Variants in LYPLAL1 observed in about 807,000 individuals in gnomAD.
LYPLAL1 encodes the protein lysophospholipase like 1.
A neutral mutation model predicts 19.7 loss-of-function variants in LYPLAL1; 23 were observed. That is an observed-to-expected ratio of 1.17 (90% CI 0.84 to 1.65). The LOEUF (loss-of-function observed/expected upper bound fraction) is 1.65. Among genes scored for constraint, LYPLAL1 ranks in the 40% most tolerant of loss-of-function variants. The pLI is 0.00. For synonymous variants in LYPLAL1, 119 were observed against 96.3 expected, an observed-to-expected ratio of 1.24 and a Z score of -1.38; for missense variants, 355 against 279.4, an observed-to-expected ratio of 1.27 and a Z score of -1.93.
the LYPLAL1 span, among the ~76,000 whole-genome samples, chr1:219,359,035 G>T: frequency 5.3e-5 from 8 of 151,982 alleles, no homozygotes; most frequent in East Asian, 1.4e-3. Flanking sequence ...CCAAAGCCCA[G>T]ACAACACTAC....
chr1:219,366,189 C>T, the LYPLAL1 span, among the ~76,000 whole-genome samples: 1 of 151,916 alleles, frequency 6.6e-6, no homozygotes, highest in Non-Finnish European at 1.5e-5. Context: ...ACTAACCTGC[C>T]CCAAGAAGAA....
chr1:219,445,162 C>G, the LYPLAL1 span, among the ~76,000 whole-genome samples: 1 of 151,192 alleles, frequency 6.6e-6, no homozygotes, highest in South Asian at 2.1e-4. Flanking sequence ...TTGGGAAGAC[C>G]TGTTCCTATA....
chr1:219,176,440 T>G (rs1655816473), intron 1 of LYPLAL1, among the ~76,000 whole-genome samples: 1 of 152,230 alleles, frequency 6.6e-6, no homozygotes, highest in Admixed American at 6.5e-5. Flanking sequence ...GAGTAGCTTC[T>G]TGGTAAAGTC....
chr1:219,305,718 G>A, the LYPLAL1 span, among the ~76,000 whole-genome samples: 1 of 152,172 alleles, frequency 6.6e-6, no homozygotes. Context: ...TCTGTGTTGG[G>A]TGCTGTACCA....
the LYPLAL1 span, among the ~76,000 whole-genome samples, chr1:219,413,110 C>A: frequency 6.6e-6 from 1 of 151,700 alleles, no homozygotes; most frequent in Non-Finnish European, 1.5e-5. Context: ...GCTAATGGAA[C>A]TCATGTGTTG....
chr1:219,296,122 G>A, the LYPLAL1 span, among the ~76,000 whole-genome samples: 1 of 152,184 alleles, frequency 6.6e-6, no homozygotes, highest in Non-Finnish European at 1.5e-5. Context: ...TGCCCATGGA[G>A]TAGAAGAACA....
chr1:219,386,191 A>G, the LYPLAL1 span, among the ~76,000 whole-genome samples: 1 of 152,146 alleles, frequency 6.6e-6, no homozygotes, highest in Non-Finnish European at 1.5e-5. Flanking sequence ...GCCATTTAAC[A>G]TTTCTATTCT....
At chr1:219,409,173 G>T in the LYPLAL1 span, among the ~76,000 whole-genome samples, 5 of 152,352 alleles carry the variant, frequency 3.3e-5, no homozygotes, top group Admixed American at 3.3e-4. Flanking sequence ...AAATGGTTGG[G>T]TGTAGTGGCT....
the LYPLAL1 span, among the ~76,000 whole-genome samples, chr1:219,263,357 T>G: frequency 6.6e-6 from 1 of 152,136 alleles, no homozygotes; most frequent in Non-Finnish European, 1.5e-5. Context: ...CCACCAATAG[T>G]GCCAAGTTTA....
chr1:219,309,069 A>T, the LYPLAL1 span, among the ~76,000 whole-genome samples: 1 of 152,224 alleles, frequency 6.6e-6, no homozygotes, highest in East Asian at 1.9e-4. Flanking sequence ...CTCTTGCATC[A>T]GCTGACCTGG....
the LYPLAL1 span, among the ~76,000 whole-genome samples, chr1:219,282,691 G>A: frequency 6.6e-6 from 1 of 152,064 alleles, no homozygotes; most frequent in African/African-American, 2.4e-5. Flanking sequence ...AAAATTCTGA[G>A]TGACAGTGAT....
chr1:219,301,672 C>T, the LYPLAL1 span, among the ~76,000 whole-genome samples: 1 of 151,930 alleles, frequency 6.6e-6, no homozygotes. Flanking sequence ...TACTCAATTG[C>T]CCCCCAGAAA....
the LYPLAL1 span, among the ~76,000 whole-genome samples, chr1:219,368,239 G>A: frequency 1.3e-5 from 2 of 152,112 alleles, no homozygotes; most frequent in Non-Finnish European, 2.9e-5. Context: ...ACCTTTCTGT[G>A]CTCTCATTTT....
chr1:219,269,135 G>A, the LYPLAL1 span, among the ~76,000 whole-genome samples: 2 of 152,198 alleles, frequency 1.3e-5, no homozygotes, highest in Non-Finnish European at 2.9e-5. Flanking sequence ...TATATGAATG[G>A]AGAGACTGGA....
At chr1:219,324,910 C>CT in the LYPLAL1 span, among the ~76,000 whole-genome samples, 2 of 152,136 alleles carry the variant, frequency 1.3e-5, no homozygotes, top group South Asian at 2.1e-4. Flanking sequence ...AGCTCCTTGG[C>CT]TTTTTTCAAA....
the LYPLAL1 span, among the ~76,000 whole-genome samples, chr1:219,267,850 A>G: frequency 6.6e-6 from 1 of 152,160 alleles, no homozygotes; most frequent in Non-Finnish European, 1.5e-5. Flanking sequence ...AGGCCTCTAT[A>G]CGTATTTCTG....
At chr1:219,174,072 G>A in intron 1 of LYPLAL1, 91 bp downstream of exon 1, 1 of 1,563,548 alleles carries the variant, frequency 6.4e-7, no homozygotes, top group Non-Finnish European at 8.7e-7. Flanking sequence ...AGGTGTCGCC[G>A]GGCCCAAATA....
chr1:219,215,432 T>G (rs533490525), downstream of LYPLAL1, among the ~76,000 whole-genome samples: 1 of 152,238 alleles, frequency 6.6e-6, no homozygotes, highest in South Asian at 2.1e-4. Flanking sequence ...TTATTGTGTG[T>G]CTTGGTATAA....
At chr1:219,240,894 G>A in the LYPLAL1 span, among the ~76,000 whole-genome samples, 3 of 151,552 alleles carry the variant, frequency 2.0e-5, no homozygotes, top group Non-Finnish European at 2.9e-5. Context: ...ACCACTTCTA[G>A]GCCTGATCCT....
Sources: allele counts gnomAD v4.1 joint callset (sites outside exome capture counted in the v4.1 genomes callset), GRCh38; gene constraint gnomAD v4.1.1; transcripts MANE v1.5; gene names NCBI Gene and HGNC (gene_info 2026-07-23, HGNC 2026-07-21).